DPP10: variants seen among roughly 807,000 people sequenced by gnomAD.
DPP10 encodes dipeptidyl peptidase like 10.
In DPP10, 33 loss-of-function variants were observed where a neutral mutation model predicts 120.9. That is an observed-to-expected ratio of 0.27 (90% CI 0.21 to 0.37). The LOEUF (loss-of-function observed/expected upper bound fraction) is 0.37. DPP10 is among the 10% of genes least tolerant of loss of function. DPP10 has a pLI of 1.00. For synonymous variants in DPP10, 337 were observed against 326.1 expected, an observed-to-expected ratio of 1.03 and a Z score of -0.36; for missense variants, 816 against 942.8, an observed-to-expected ratio of 0.87 and a Z score of 1.76.
intron 3 of DPP10, among the ~76,000 whole-genome samples, chr2:115,420,019 G>C (rs1011367011): frequency 6.6e-6 from 1 of 152,084 alleles, no homozygotes; most frequent in East Asian, 1.9e-4. Context: ...AAGTATTTTT[G>C]ATTCTGGTTA....
intron 3 of DPP10, among the ~76,000 whole-genome samples, chr2:115,417,929 T>C (rs542820303): frequency 6.6e-6 from 1 of 151,324 alleles, no homozygotes; most frequent in Admixed American, 6.6e-5. Flanking sequence ...AGAATAATAG[T>C]TGTAGCAATG....
chr2:114,867,575 G>A (rs1690341161), intron 1 of DPP10, among the ~76,000 whole-genome samples: 1 of 152,122 alleles, frequency 6.6e-6, no homozygotes. Flanking sequence ...AATATGCAGT[G>A]TATTGCAATT....
chr2:115,670,838 G>A (rs947408693), intron 5 of DPP10, among the ~76,000 whole-genome samples: 6 of 152,034 alleles, frequency 3.9e-5, no homozygotes, highest in Non-Finnish European at 8.8e-5. Flanking sequence ...TAGATTAAAA[G>A]GCATCTCCCT....
intron 3 of DPP10, among the ~76,000 whole-genome samples, chr2:115,495,102 G>T (rs975685852): frequency 6.6e-6 from 1 of 151,986 alleles, no homozygotes; most frequent in African/African-American, 2.4e-5. Flanking sequence ...AGTCAGAAAA[G>T]ACAACATTTT....
At chr2:115,735,112 C>T (rs1287720058) in intron 8 of DPP10, among the ~76,000 whole-genome samples, 2 of 152,188 alleles carry the variant, frequency 1.3e-5, no homozygotes, top group Admixed American at 6.5e-5. Flanking sequence ...GCACCCACTT[C>T]CTCCCTTCAT....
chr2:114,658,692 G>A (rs7576892), intron 1 of DPP10, among the ~76,000 whole-genome samples: 44,632 of 151,946 alleles, frequency 0.29, 8,668 homozygotes, highest in African/African-American at 0.54. Context: ...GTTTATACCC[G>A]GTATAACAGA....
At chr2:115,306,799 C>T (rs4493269) in intron 1 of DPP10, among the ~76,000 whole-genome samples, 118,727 of 152,000 alleles carry the variant, frequency 0.78, 46,652 homozygotes, top group Non-Finnish European at 0.83. Context: ...ACTTCCGTAG[C>T]CAGCTGTGAC....
intron 1 of DPP10, among the ~76,000 whole-genome samples, chr2:114,457,791 C>T (rs1335924659): frequency 1.3e-5 from 2 of 152,158 alleles, no homozygotes; most frequent in South Asian, 2.1e-4. Flanking sequence ...GCAGGAAGGA[C>T]GCTCCTGCAT....
At chr2:114,588,515 A>C (rs1691187751) in intron 1 of DPP10, among the ~76,000 whole-genome samples, 1 of 152,214 alleles carries the variant, frequency 6.6e-6, no homozygotes, top group Admixed American at 6.5e-5. Flanking sequence ...AAGATATTGA[A>C]TATTCCCAAC....
chr2:114,751,846 C>T (rs1334629224), intron 1 of DPP10, among the ~76,000 whole-genome samples: 1 of 152,202 alleles, frequency 6.6e-6, no homozygotes, highest in Non-Finnish European at 1.5e-5. Context: ...CTTTTGCATC[C>T]TTGACTCTAC....
chr2:114,587,165 G>A (rs1691060131), intron 1 of DPP10, among the ~76,000 whole-genome samples: 1 of 151,960 alleles, frequency 6.6e-6, no homozygotes, highest in Non-Finnish European at 1.5e-5. Flanking sequence ...GCCGGGCATG[G>A]TGGCGCGTGC....
chr2:114,537,810 G>C (rs1230371994), intron 1 of DPP10, among the ~76,000 whole-genome samples: 1 of 152,188 alleles, frequency 6.6e-6, no homozygotes, highest in East Asian at 1.9e-4. Context: ...TTTGGAGCCA[G>C]AGCCCAGTTT....
intron 3 of DPP10, among the ~76,000 whole-genome samples, chr2:115,458,215 C>CA: frequency 6.6e-6 from 1 of 152,130 alleles, no homozygotes; most frequent in East Asian, 1.9e-4. Context: ...AAGGAGTAAT[C>CA]AGAGCCATTT....
intron 1 of DPP10, among the ~76,000 whole-genome samples, chr2:114,518,303 C>T (rs1009410381): frequency 6.6e-6 from 1 of 152,028 alleles, no homozygotes; most frequent in Non-Finnish European, 1.5e-5. Context: ...GTCTCAAACT[C>T]CCGGCCTCAG....
chr2:115,728,086 G>A, intron 8 of DPP10, 150 bp downstream of exon 8: 1 of 839,624 alleles, frequency 1.2e-6, no homozygotes, highest in Admixed American at 3.4e-5. Flanking sequence ...TCATATCTTT[G>A]CATGTGCTTA....
chr2:115,265,929 G>A (rs1238601678), intron 1 of DPP10, among the ~76,000 whole-genome samples: 1 of 148,450 alleles, frequency 6.7e-6, no homozygotes, highest in Admixed American at 6.7e-5. Flanking sequence ...GAGCGATGGA[G>A]CGAGACTCTA....
chr2:115,296,256 A>T (rs996262383), intron 1 of DPP10, among the ~76,000 whole-genome samples: 21 of 152,150 alleles, frequency 1.4e-4, no homozygotes, highest in South Asian at 8.3e-4. Context: ...TTTCACCCAG[A>T]TGCTCGGCGG....
At chr2:115,131,429 C>T (rs1159003230) in intron 1 of DPP10, among the ~76,000 whole-genome samples, 1 of 152,078 alleles carries the variant, frequency 6.6e-6, no homozygotes, top group Non-Finnish European at 1.5e-5. Flanking sequence ...AGGAGGATTG[C>T]TTGAGTCCGG....
intron 1 of DPP10, among the ~76,000 whole-genome samples, chr2:114,877,909 A>G (rs1306985845): frequency 6.6e-6 from 1 of 152,034 alleles, no homozygotes; most frequent in Non-Finnish European, 1.5e-5. Flanking sequence ...ATTTAAGGAG[A>G]GAAATGTTAC....
Sources: allele counts gnomAD v4.1 joint callset (sites outside exome capture counted in the v4.1 genomes callset), GRCh38; gene constraint gnomAD v4.1.1; transcripts MANE v1.5; gene names NCBI Gene and HGNC (gene_info 2026-07-23, HGNC 2026-07-21).